CHKA: variants seen among roughly 807,000 people sequenced by gnomAD.
CHKA encodes the protein choline kinase alpha, also known as CHETK-alpha.
Under a neutral mutation model 60.1 loss-of-function variants are expected in CHKA, and 34 were observed. That is an observed-to-expected ratio of 0.57 (90% CI 0.43 to 0.75). The LOEUF (loss-of-function observed/expected upper bound fraction) is 0.75. CHKA is among the 30% of genes least tolerant of loss of function. The probability of loss-of-function intolerance (pLI) is 0.00; values close to 1 mark genes in which losing one functional copy is unlikely to be tolerated. For synonymous variants in CHKA, 217 were observed against 223.1 expected, an observed-to-expected ratio of 0.97 and a Z score of 0.24; for missense variants, 563 against 561.3, an observed-to-expected ratio of 1.00 and a Z score of -0.03.
intron 1 of CHKA, among the ~76,000 whole-genome samples, chr11:68,111,085 C>T (rs550471551): frequency 2.6e-5 from 4 of 151,644 alleles, no homozygotes; most frequent in South Asian, 2.1e-4. Flanking sequence ...GTCAGAGGAC[C>T]GACAATACTC....
chr11:68,113,732 T>C (rs1244817982), intron 1 of CHKA, among the ~76,000 whole-genome samples: 3 of 147,912 alleles, frequency 2.0e-5, no homozygotes, highest in South Asian at 2.2e-4. Flanking sequence ...CGATGGCTCA[T>C]GCCTGTAATC....
chr11:68,100,534 G>A (rs1424530047), intron 1 of CHKA, among the ~76,000 whole-genome samples: 3 of 151,898 alleles, frequency 2.0e-5, no homozygotes, highest in Non-Finnish European at 2.9e-5. Flanking sequence ...AGATTGCAGT[G>A]AGCCGAGATT....
intron 1 of CHKA, among the ~76,000 whole-genome samples, chr11:68,112,670 GAA>G (rs1292811247): frequency 1.3e-5 from 2 of 152,126 alleles, no homozygotes; most frequent in African/African-American, 4.8e-5. Flanking sequence ...TCAAGAGAAT[GAA>G]AAGTCACAAA....
At chr11:68,088,564 CTCTATAGAATGTGTTCAAT>C in intron 2 of CHKA, among the ~76,000 whole-genome samples, 1 of 152,178 alleles carries the variant, frequency 6.6e-6, no homozygotes, top group East Asian at 1.9e-4. Flanking sequence ...AGAACCATGA[CTCTATAGAATGTGTTCAAT>C]TCTATAGAAT....
chr11:68,079,041 C>G (rs1856886971), intron 3 of CHKA, among the ~76,000 whole-genome samples: 1 of 151,038 alleles, frequency 6.6e-6, no homozygotes, highest in Admixed American at 6.6e-5. Flanking sequence ...TCATGCGATT[C>G]TCCTGCCTCA....
At chr11:68,115,318 A>G (rs981765015) in intron 1 of CHKA, among the ~76,000 whole-genome samples, 2 of 152,214 alleles carry the variant, frequency 1.3e-5, no homozygotes, top group African/African-American at 2.4e-5. Flanking sequence ...ACAATGGTGG[A>G]TACATGTCAT....
chr11:68,089,896 C>T (rs1201934854), intron 2 of CHKA: 1 of 152,204 alleles, frequency 6.6e-6, no homozygotes, highest in Non-Finnish European at 1.5e-5. Flanking sequence ...GCAGAGAACA[C>T]ATGCACATAC....
chr11:68,096,918 A>C, intron 2 of CHKA, 101 bp downstream of exon 2: 1 of 707,018 alleles, frequency 1.4e-6, no homozygotes, highest in Non-Finnish European at 2.3e-6. Flanking sequence ...ATCTTTAGTA[A>C]CACCATTAAA....
At chr11:68,063,492 CAA>C (rs34360525) in intron 10 of CHKA, among the ~76,000 whole-genome samples, 1 of 143,934 alleles carries the variant, frequency 6.9e-6, no homozygotes, top group African/African-American at 2.6e-5. Context: ...GACTCCATCT[CAA>C]AAAAAAAAAA....
intron 1 of CHKA, among the ~76,000 whole-genome samples, chr11:68,100,687 T>C (rs928869614): frequency 1.7e-4 from 26 of 151,076 alleles, no homozygotes; most frequent in East Asian, 1.5e-3. Context: ...TAAATATATA[T>C]ATGCACACAC....
chr11:68,053,928 C>T lies in CHKA; in HGVS notation c.*60G>A. The T allele has an allele frequency of 1.4e-6, 2 of 1,475,310 alleles. No homozygotes were observed. The highest frequency in any genetic ancestry group is 1.9e-6 in the Non-Finnish European group (2 of 1,059,772). The allele number at this position is 1,475,310 out of a possible 1,614,324, so 91.4% of individuals were successfully genotyped here. On this transcript the variant is annotated 3_prime_UTR_variant, in exon 12 of 12. Coordinates refer to ENST00000265689, the MANE Select transcript of CHKA (RefSeq NM_001277.3). ...AGCAGTAGTCGAAGCACAGAGGGGA[C>T]CCCGCTCTGCTGCCTCCCCATGCAG... is the stretch of plus-strand genomic sequence containing the variant.
intron 1 of CHKA, among the ~76,000 whole-genome samples, chr11:68,102,869 A>C (rs1314564025): frequency 6.6e-6 from 1 of 152,210 alleles, no homozygotes; most frequent in Admixed American, 6.5e-5. Context: ...CAATTAAAAA[A>C]TGGACACCAG....
chr11:68,100,775 TCAACA>T (rs1857684601), intron 1 of CHKA, among the ~76,000 whole-genome samples: 1 of 150,918 alleles, frequency 6.6e-6, no homozygotes, highest in Non-Finnish European at 1.5e-5. Flanking sequence ...TATTCCACAC[TCAACA>T]CAATGACAGG....
chr11:68,060,460 G>A (rs770364784), intron 11 of CHKA, among the ~76,000 whole-genome samples: 2 of 152,100 alleles, frequency 1.3e-5, no homozygotes, highest in Non-Finnish European at 2.9e-5. Flanking sequence ...ACAGGCATGT[G>A]CCACCATGCC....
chr11:68,111,506 G>A lies in CHKA; in HGVS notation c.350+9322C>T, dbSNP rs201282794. Among the ~76,000 whole-genome samples the A allele has an allele frequency of 6.3e-4, 96 of 151,880 alleles. 1 individual carries two copies. The highest frequency in any genetic ancestry group is 1.7e-3 in the East Asian group (9 of 5,148). ...AGGCATGAGAATCACTTGAACCCGG[G>A]AGACAGAGGTTGCAGTGAGCCAAGA... On this transcript the variant is annotated intron_variant, in intron 1 of 11. Transcript: ENST00000265689.
chr11:68,081,437 T>C lies in CHKA; in HGVS notation c.483A>G (p.Gly161=), dbSNP rs769821250. 1.9e-6 allele frequency: 3 copies of C among 1,613,568 alleles called. No homozygotes were observed. Among genetic ancestry groups the C allele is most frequent in the South Asian group, 1.1e-5 (1 of 91,060 alleles). ...ILQMRSCNKE[G]SEQAQKENEF... is the part of the protein sequence containing the mutation. The stretch of plus-strand genomic sequence containing the variant: ...CATTTTCTTTCTGAGCTTGTTCGGA[T>C]CCCTCTTTATTACAGGACCTCTATG... Residue 161 remains glycine (G), a synonymous_variant, in exon 3 of 12, where the codon GGA becomes GGG. Coordinates refer to ENST00000265689, the MANE Select transcript of CHKA (RefSeq NM_001277.3).
intron 1 of CHKA, among the ~76,000 whole-genome samples, chr11:68,108,487 G>A (rs775081395): frequency 6.6e-6 from 1 of 152,268 alleles, no homozygotes; most frequent in Non-Finnish European, 1.5e-5. Context: ...GCTCACGCCT[G>A]TAATCCCAGC....
In CHKA at chr11:68,061,948, C is replaced by A; in HGVS notation, c.1314+5G>T. The A allele has an allele frequency of 1.3e-6, 2 of 1,567,640 alleles. No homozygotes were observed. The highest frequency in any genetic ancestry group is 1.9e-5 in the Admixed American group (1 of 53,292). ...AAAAAAAACAAAAACGCTGCTAAAA[C>A]ATACCATGTACCCAAATTCAATAGA... On this transcript the variant is annotated splice_donor_5th_base_variant and intron_variant, in intron 11 of 11. Transcript: ENST00000265689.
chr11:68,082,626 T>A (rs1857020989), intron 2 of CHKA: 1 of 152,634 alleles, frequency 6.6e-6, no homozygotes, highest in Non-Finnish European at 1.5e-5. Flanking sequence ...CAACCACTCA[T>A]CCATCACACA....
Sources: gnomAD v4.1 joint callset for allele counts (sites outside exome capture counted in the v4.1 genomes callset) on GRCh38, gnomAD v4.1.1 for gene constraint, MANE v1.5 for transcripts, NCBI Gene and HGNC (gene_info 2026-07-23, HGNC 2026-07-21) for gene names.